The following IQCH variants were observed in gnomAD, a reference collection of about 807,000 sequenced individuals.
IQCH encodes the protein IQ motif containing H.
IQCH carries 98 observed loss-of-function variants against 117.0 expected under a neutral mutation model. The observed-to-expected ratio is 0.84, with a 90% confidence interval of 0.71 to 0.99. The LOEUF is 0.99. Ranked by LOEUF, IQCH falls within the 50% of genes least tolerant of loss-of-function variation. IQCH has a pLI of 0.00. For synonymous variants in IQCH, 412 were observed against 448.2 expected (o/e 0.92, Z 1.02); for missense variants, 1,102 against 1,243.8 (o/e 0.89, Z 1.72).
chr15:67,271,809 C>G (rs2140455361), intron 3 of IQCH, among the ~76,000 whole-genome samples: 1 of 152,028 alleles, frequency 6.6e-6, no homozygotes, highest in South Asian at 2.1e-4. Flanking sequence ...TGGGTTTTAT[C>G]TCTTTTTTTC....
chr15:67,387,707 C>CT lies in IQCH; in HGVS notation c.1457-1121dup, dbSNP rs1971151889. The stretch of plus-strand genomic sequence containing the variant: ...TATGTGCCAGATGCTGCACCAGATA[C>CT]TTTCTATATCTTCACTCATTTAATA... On this transcript the variant is annotated intron_variant, in intron 11 of 20. Coordinates refer to ENST00000335894, the MANE Select transcript of IQCH (RefSeq NM_001031715.3). The surrounding 1 kb of genome is among the most constrained non-coding windows in gnomAD (Gnocchi z 4.8). Among the ~76,000 whole-genome samples, 2 of 152,202 alleles carry CT rather than the reference C, an allele frequency of 1.3e-5. No individual in the cohort carries two copies. The highest frequency in any genetic ancestry group is 4.8e-5 in the African/African-American group (2 of 41,454).
chr15:67,271,161 G>C (rs1359260655), intron 3 of IQCH, among the ~76,000 whole-genome samples: 1 of 152,160 alleles, frequency 6.6e-6, no homozygotes, highest in Non-Finnish European at 1.5e-5. Context: ...GTAGAGACAG[G>C]GTTTCACCAT....
At chr15:67,320,717 A>C (rs1968076925) in intron 4 of IQCH, among the ~76,000 whole-genome samples, 1 of 152,168 alleles carries the variant, frequency 6.6e-6, no homozygotes, top group Non-Finnish European at 1.5e-5. Flanking sequence ...TCCTATTAAC[A>C]AATTATAGCT....
At chr15:67,267,080 G>A (rs1965707354) in intron 3 of IQCH, among the ~76,000 whole-genome samples, 3 of 152,210 alleles carry the variant, frequency 2.0e-5, no homozygotes, top group African/African-American at 7.2e-5. Context: ...TTGTGGTTTG[G>A]AGCCTCCACT....
rs568405065 is a variant in IQCH at position 67,466,700 on chromosome 15, T to G, written c.2676+1403T>G. 6.6e-6 allele frequency: 1 copy of G among 152,378 alleles called. No individual in the cohort carries two copies. The highest frequency in any genetic ancestry group is 2.1e-4 in the South Asian group (1 of 4,824). The allele number at this position is 152,378 out of a possible 1,614,324, so 9.4% of individuals were successfully genotyped here. A position where few individuals can be genotyped will look rare whatever the true frequency, so the allele number is the denominator to read the frequency against. On this transcript the variant is annotated intron_variant, in intron 17 of 20. Coordinates refer to ENST00000335894, the MANE Select transcript of IQCH (RefSeq NM_001031715.3). This position sits in a 1 kb window ranked among gnomAD's most constrained non-coding sequence, Gnocchi z 4.4. ...AAGAACCTTGCTCACAAGAATCCCC[T>G]TGATCTCTTTCCTTAGTAAGAAGAG...
At chr15:67,499,659 TAG>T in intron 20 of IQCH, among the ~76,000 whole-genome samples, 1 of 151,890 alleles carries the variant, frequency 6.6e-6, no homozygotes, top group African/African-American at 2.4e-5. Context: ...TTAATGTTAA[TAG>T]AAGGAATATT....
chr15:67,470,020 G>A (rs2083029149), intron 17 of IQCH, among the ~76,000 whole-genome samples: 1 of 152,228 alleles, frequency 6.6e-6, no homozygotes, highest in South Asian at 2.1e-4. Context: ...TTTGAAAAGA[G>A]GATGTACTTC....
At chr15:67,419,985 A>G (rs2081688732) in intron 15 of IQCH, among the ~76,000 whole-genome samples, 1 of 152,216 alleles carries the variant, frequency 6.6e-6, no homozygotes, top group Non-Finnish European at 1.5e-5. Flanking sequence ...AAGTTAACCA[A>G]AGCATAGAGA....
intron 4 of IQCH, among the ~76,000 whole-genome samples, chr15:67,297,775 T>C (rs1966864373): frequency 6.6e-6 from 1 of 152,172 alleles, no homozygotes; most frequent in Non-Finnish European, 1.5e-5. Context: ...AAAAATGTCA[T>C]TTAAAGATTT....
chr15:67,303,000 T>C (rs568718775), intron 4 of IQCH, among the ~76,000 whole-genome samples: 21 of 152,332 alleles, frequency 1.4e-4, no homozygotes, highest in Middle Eastern at 3.4e-3. Flanking sequence ...CTTCTTCACT[T>C]TGACCTTAGG....
chr15:67,320,030 C>T lies in IQCH; in HGVS notation c.388-16945C>T, dbSNP rs143290795. 8.7e-3 allele frequency among the ~76,000 whole-genome samples: 1,325 copies of T among 152,346 alleles called. 17 individuals carry two copies. The highest frequency in any genetic ancestry group is 0.029 in the African/African-American group (1,199 of 41,578). On this transcript the variant is annotated intron_variant, in intron 4 of 20. Coordinates refer to ENST00000335894, the MANE Select transcript of IQCH (RefSeq NM_001031715.3). ...ATACCTGAACTGTAAGCGCTCCTAG[C>T]CTCCTTTCAGGTTTGCTTAGGCATC...
chr15:67,315,692 A>G (rs1056512539), intron 4 of IQCH, among the ~76,000 whole-genome samples: 4 of 152,156 alleles, frequency 2.6e-5, no homozygotes, highest in African/African-American at 9.7e-5. Context: ...CTGCTATGAA[A>G]TACCACTCGC....
chr15:67,344,790 G>A (rs1419562450), intron 6 of IQCH, among the ~76,000 whole-genome samples: 1 of 152,192 alleles, frequency 6.6e-6, no homozygotes, highest in African/African-American at 2.4e-5. Flanking sequence ...CCAAAGTGAA[G>A]GCTATCTTTA....
intron 4 of IQCH, among the ~76,000 whole-genome samples, chr15:67,293,707 A>T (rs1431764746): frequency 6.6e-6 from 1 of 152,218 alleles, no homozygotes; most frequent in Non-Finnish European, 1.5e-5. Context: ...GGAAAGGAAC[A>T]TAGGGACTAT....
chr15:67,256,424 T>C (rs1965205562), intron 1 of IQCH, among the ~76,000 whole-genome samples: 1 of 152,200 alleles, frequency 6.6e-6, no homozygotes, highest in African/African-American at 2.4e-5. Context: ...TGAATACTTT[T>C]AGTTTCCCGC....
chr15:67,418,554 A>C (rs373036592), intron 15 of IQCH, among the ~76,000 whole-genome samples: 3 of 28,398 alleles, frequency 1.1e-4, no homozygotes, highest in Non-Finnish European at 9.1e-5. Flanking sequence ...CACACACACA[A>C]GATCAATAAT....
At chr15:67,452,129 A>C (rs1404218691) in intron 16 of IQCH, among the ~76,000 whole-genome samples, 1 of 152,054 alleles carries the variant, frequency 6.6e-6, no homozygotes, top group Non-Finnish European at 1.5e-5. Flanking sequence ...CCTGCACGTG[A>C]GATGGGTTTC....
chr15:67,485,674 T>C (rs1320108661), intron 18 of IQCH, among the ~76,000 whole-genome samples: 2 of 152,212 alleles, frequency 1.3e-5, no homozygotes, highest in Non-Finnish European at 2.9e-5. Flanking sequence ...TTATTTTTAT[T>C]TTTGAGATGG....
chr15:67,362,149 C>CCACACA (rs5813439), intron 8 of IQCH, among the ~76,000 whole-genome samples: 1,641 of 150,500 alleles, frequency 0.011, 21 homozygotes, highest in Middle Eastern at 0.031. Context: ...TACGCACACA[C>CCACACA]CACACACACA....
Sources: gnomAD v4.1 joint callset for allele counts (sites outside exome capture counted in the v4.1 genomes callset) on GRCh38, gnomAD v4.1.1 for gene constraint, Gnocchi (gnomAD v3.1) non-coding constraint, MANE v1.5 for transcripts, NCBI Gene and HGNC (gene_info 2026-07-23, HGNC 2026-07-21) for gene names.